The following NEDD4 variants were observed in gnomAD, a reference collection of about 807,000 sequenced individuals.
NEDD4 encodes E3 ubiquitin-protein ligase NEDD4.
A neutral mutation model predicts 144.9 loss-of-function variants in NEDD4; 99 were observed. The observed-to-expected ratio is 0.68, with a 90% CI of 0.58 to 0.81. The LOEUF is 0.81. NEDD4 is among the 30% of genes least tolerant of loss of function. NEDD4 has a pLI of 0.00. For synonymous variants in NEDD4, 318 were observed against 350.6 expected, an observed-to-expected ratio of 0.91 and a Z score of 1.04; for missense variants, 985 against 1,065.9, an observed-to-expected ratio of 0.92 and a Z score of 1.06.
intron 19 of NEDD4, among the ~76,000 whole-genome samples, chr15:55,841,190 C>T (rs2033486967): frequency 6.6e-6 from 1 of 152,046 alleles, no homozygotes; most frequent in Non-Finnish European, 1.5e-5. Flanking sequence ...CCTTGGCCTC[C>T]CAAAGTGGTG....
chr15:55,938,669 G>C (rs192489901), intron 4 of NEDD4, among the ~76,000 whole-genome samples: 1 of 152,018 alleles, frequency 6.6e-6, no homozygotes, highest in African/African-American at 2.4e-5. Context: ...AAGTGAAAAG[G>C]CACCGTACAA....
chr15:55,954,974 T>TTTGCACTGCACTGCATTGTATTGCA (rs1231872703), intron 2 of NEDD4, among the ~76,000 whole-genome samples: 13 of 147,206 alleles, frequency 8.8e-5, no homozygotes, highest in Admixed American at 5.3e-4. Flanking sequence ...TCTACCCTAT[T>TTTGCACTGCACTGCATTGTATTGCA]TTGCACTGCA....
intron 4 of NEDD4, among the ~76,000 whole-genome samples, chr15:55,937,103 A>G (rs1280751450): frequency 1.3e-5 from 2 of 152,096 alleles, no homozygotes; most frequent in Admixed American, 6.6e-5. Flanking sequence ...ATAATTTGCT[A>G]TTGAGCACTA....
At position 55,990,150 on chromosome 15, in the gene NEDD4, T is replaced by C. The variant is rs566765070; in HGVS notation, c.45+3361A>G. Among the ~76,000 whole-genome samples the C allele has an allele frequency of 2.0e-5, 3 of 151,940 alleles. No homozygotes were observed. The South Asian group carries it at 6.2e-4, about 32-fold the overall frequency. On this transcript the variant is annotated intron_variant, in intron 1 of 28. Transcript: ENST00000435532. Reference sequence around the variant, plus strand: ...GGCTCCCACTAATTCTACATTACGGTGAGCTGTATAATTACTTCATTACAT... The same window carrying C: ...GGCTCCCACTAATTCTACATTACGGCGAGCTGTATAATTACTTCATTACAT...
chr15:55,851,325 A>G (rs183610865), intron 13 of NEDD4, among the ~76,000 whole-genome samples: 78 of 152,316 alleles, frequency 5.1e-4, no homozygotes, highest in Non-Finnish European at 8.1e-4. Flanking sequence ...CTTTAAAACA[A>G]TGTTAAGCAA....
Position 55,836,556 on chromosome 15 carries a change from C to T in NEDD4, c.2262+1233G>A, listed in dbSNP as rs189193713. Among the ~76,000 whole-genome samples, 5 of 152,000 alleles carry T rather than the reference C, an allele frequency of 3.3e-5. No homozygotes were observed. In the East Asian group the frequency reaches 7.8e-4, roughly 24 times the overall value. ...TAATTTTTTTTTTGAGACGGAGTCT[C>T]GCTCTGTTGCCCAGGATGGAGTGCA... On this transcript the variant is annotated intron_variant, in intron 24 of 28. Transcript: ENST00000435532.
chr15:55,952,447 G>A (rs932556643), intron 2 of NEDD4, among the ~76,000 whole-genome samples: 1 of 152,154 alleles, frequency 6.6e-6, no homozygotes, highest in Admixed American at 6.5e-5. Flanking sequence ...CAAGACTTTG[G>A]ACACTTTACT....
At position 55,932,969 on chromosome 15, in the gene NEDD4, A is replaced by T. The variant is rs554217182; in HGVS notation, c.238-8270T>A. 5.3e-5 allele frequency among the ~76,000 whole-genome samples: 8 copies of T among 152,364 alleles called. No individual in the cohort carries two copies. The East Asian group carries it at 1.5e-3, about 29-fold the overall frequency. On this transcript the variant is annotated intron_variant, in intron 4 of 28. Transcript: ENST00000435532. ...AGAGTTTGCATAAATGCAAATCAAA[A>T]CGACAATGAGATACCATCTCACACC...
chr15:55,877,085 G>T (rs763293851), intron 5 of NEDD4, among the ~76,000 whole-genome samples: 1 of 152,008 alleles, frequency 6.6e-6, no homozygotes, highest in Non-Finnish European at 1.5e-5. Context: ...TTTTCACCCA[G>T]ATCCACCAAA....
chr15:55,971,641 C>T lies in NEDD4; in HGVS notation c.46-5095G>A, dbSNP rs1315870371. On this transcript the variant is annotated intron_variant, in intron 1 of 28. Transcript: ENST00000435532. ...CTCTGTCTCAAAAAAAAAAAAAAGA[C>T]TTATTAGCTTTAAAGAGGAGGTAGC... 2.2e-5 allele frequency among the ~76,000 whole-genome samples: 3 copies of T among 133,878 alleles called. No individual in the cohort carries two copies. In the South Asian group the frequency reaches 7.1e-4, roughly 32 times the overall value. 87.8% of individuals were successfully genotyped at this position (133,878 alleles called of 152,430 possible). A position where few individuals can be genotyped will look rare whatever the true frequency, so the allele number is the denominator to read the frequency against.
chr15:55,850,445 A>G, intron 14 of NEDD4, 97 bp downstream of exon 14: 2 of 1,096,314 alleles, frequency 1.8e-6, no homozygotes, highest in Non-Finnish European at 2.7e-6. Context: ...ATTAGGAAAC[A>G]TAGGTTATAC....
chr15:55,933,451 T>C (rs2142255994), intron 4 of NEDD4, among the ~76,000 whole-genome samples: 1 of 147,954 alleles, frequency 6.8e-6, no homozygotes, highest in Non-Finnish European at 1.5e-5. Flanking sequence ...ACACCGCATG[T>C]TCTCACTCAC....
intron 5 of NEDD4, among the ~76,000 whole-genome samples, chr15:55,895,009 G>C (rs1258547096): frequency 1.3e-5 from 2 of 152,092 alleles, no homozygotes; most frequent in Non-Finnish European, 1.5e-5. Context: ...CTCTAAAAAA[G>C]GGAGGGGCTC....
intron 8 of NEDD4, among the ~76,000 whole-genome samples, chr15:55,863,712 T>A (rs1214187083): frequency 6.6e-6 from 1 of 152,226 alleles, no homozygotes; most frequent in Non-Finnish European, 1.5e-5. Context: ...GTTCTCTAAA[T>A]TATCAACTGA....
At chr15:55,920,801 C>A (rs1273495802) in intron 5 of NEDD4, among the ~76,000 whole-genome samples, 1 of 152,148 alleles carries the variant, frequency 6.6e-6, no homozygotes, top group Non-Finnish European at 1.5e-5. Context: ...TGTTACTCCA[C>A]CAATGGCTAT....
intron 8 of NEDD4, among the ~76,000 whole-genome samples, chr15:55,866,940 G>A (rs74015316): frequency 0.021 from 3,140 of 152,088 alleles, 112 homozygotes; most frequent in African/African-American, 0.072. Context: ...ATTTCTAACC[G>A]CAAAGCCAAT....
At chr15:55,890,780 T>C (rs1160757188) in intron 5 of NEDD4, among the ~76,000 whole-genome samples, 3 of 152,240 alleles carry the variant, frequency 2.0e-5, no homozygotes. Context: ...CTGTAAGATT[T>C]CAATTCCTCC....
intron 5 of NEDD4, among the ~76,000 whole-genome samples, chr15:55,908,124 C>T (rs371814444): frequency 1.5e-4 from 23 of 152,158 alleles, no homozygotes; most frequent in East Asian, 7.7e-4. Flanking sequence ...TGTAGTCATC[C>T]TCACCTATCA....
intron 5 of NEDD4, among the ~76,000 whole-genome samples, chr15:55,893,857 C>T (rs12441869): frequency 0.14 from 21,230 of 149,692 alleles, 1,642 homozygotes; most frequent in East Asian, 0.36. Context: ...TTTAACTTAA[C>T]TGTTTTCTAA....
Sources: gnomAD v4.1 joint callset for allele counts (sites outside exome capture counted in the v4.1 genomes callset) on GRCh38, gnomAD v4.1.1 for gene constraint, MANE v1.5 for transcripts, NCBI Gene and HGNC (gene_info 2026-07-23, HGNC 2026-07-21) for gene names.